Variants in ZFPM2 observed in about 807,000 individuals in gnomAD.
The protein encoded by ZFPM2 is zinc finger protein, FOG family member 2.
In ZFPM2, 20 loss-of-function variants were observed where a neutral mutation model predicts 98.6. The observed-to-expected ratio is 0.20, with a 90% CI of 0.14 to 0.29. The LOEUF (loss-of-function observed/expected upper bound fraction) is 0.29, where lower values mean the gene tolerates loss of function less well. ZFPM2 is among the 10% of genes least tolerant of loss of function. The pLI, the probability that ZFPM2 is intolerant of heterozygous loss-of-function variation, is 1.00. For missense variants in ZFPM2, 1,310 were observed against 1,388.6 expected, an observed-to-expected ratio of 0.94 and a Z score of 0.90; for synonymous variants, 518 against 502.7, an observed-to-expected ratio of 1.03 and a Z score of -0.41.
At chr8:105,413,484 A>ATATG (rs1554602639) in intron 1 of ZFPM2, among the ~76,000 whole-genome samples, 2 of 68,872 alleles carry the variant, frequency 2.9e-5, no homozygotes, top group South Asian at 8.2e-4. Context: ...TTCAAACATT[A>ATATG]TATATATATA....
rs560846525 is a variant in ZFPM2 at position 105,558,146 on chromosome 8, A to G, written c.302-3217A>G. Among the ~76,000 whole-genome samples the G allele has an allele frequency of 5.3e-5, 8 of 152,300 alleles. 1 individual carries two copies. In the South Asian group the frequency reaches 1.7e-3, roughly 32 times the overall value. Reference sequence around the variant, plus strand: ...ATTTTTGGAAAAAAAATAAAATATCATACTCTTAAGCAATATGTAAGTTAA... The same window carrying G: ...ATTTTTGGAAAAAAAATAAAATATCGTACTCTTAAGCAATATGTAAGTTAA... On this transcript the variant is annotated intron_variant, in intron 3 of 7. Coordinates refer to ENST00000407775, the MANE Select transcript of ZFPM2 (RefSeq NM_012082.4).
chr8:105,621,434 T>G (rs1364486525), intron 4 of ZFPM2, among the ~76,000 whole-genome samples: 2 of 152,090 alleles, frequency 1.3e-5, no homozygotes, highest in African/African-American at 2.4e-5. Context: ...GGGCTGAGAC[T>G]ATGGGGTTTT....
At chr8:105,785,781 G>A (rs1264236822) in intron 5 of ZFPM2, among the ~76,000 whole-genome samples, 3 of 152,068 alleles carry the variant, frequency 2.0e-5, no homozygotes, top group South Asian at 2.1e-4. Flanking sequence ...GGTGGCTCAC[G>A]CCTGCAATCC....
chr8:105,794,947 C>A (rs923043580), intron 6 of ZFPM2, among the ~76,000 whole-genome samples: 2 of 152,146 alleles, frequency 1.3e-5, no homozygotes, highest in Non-Finnish European at 1.5e-5. Context: ...TCGCAGTATT[C>A]GGGTGGGAGT....
At chr8:105,407,371 G>A (rs1479390609) in intron 1 of ZFPM2, among the ~76,000 whole-genome samples, 1 of 151,902 alleles carries the variant, frequency 6.6e-6, no homozygotes, top group African/African-American at 2.4e-5. Flanking sequence ...ACAAAGAACA[G>A]TAACAGAAAC....
intron 4 of ZFPM2, among the ~76,000 whole-genome samples, chr8:105,587,580 C>A (rs1815750649): frequency 6.6e-6 from 1 of 152,182 alleles, no homozygotes; most frequent in Non-Finnish European, 1.5e-5. Context: ...GCAGGCACAA[C>A]ATAATCCAAA....
chr8:105,645,359 T>C (rs1315206093), intron 5 of ZFPM2, among the ~76,000 whole-genome samples: 1 of 152,236 alleles, frequency 6.6e-6, no homozygotes, highest in Non-Finnish European at 1.5e-5. Flanking sequence ...ATCATCTTGC[T>C]CTTTTTATGC....
At position 105,462,383 on chromosome 8, in the gene ZFPM2, G is replaced by T. The variant is rs11779580; in HGVS notation, c.301+18002G>T. Among the ~76,000 whole-genome samples, 477 of 152,206 alleles carry T rather than the reference G, an allele frequency of 3.1e-3. 3 individuals carry two copies. Among genetic ancestry groups the T allele is most frequent in the Non-Finnish European group, 5.4e-3 (370 of 68,000 alleles). ...GCTAACAGAGGAAAAATTCAGGCCT[G>T]ACCTTACTGCTTCCCTCTGCAAAGC... On this transcript the variant is annotated intron_variant, in intron 3 of 7. Coordinates refer to ENST00000407775, the MANE Select transcript of ZFPM2 (RefSeq NM_012082.4).
chr8:105,620,052 T>C (rs892952414), intron 4 of ZFPM2, among the ~76,000 whole-genome samples: 1 of 152,206 alleles, frequency 6.6e-6, no homozygotes, highest in African/African-American at 2.4e-5. Context: ...TATCCAGTAA[T>C]GGGATGGCTG....
At chr8:105,522,524 C>T (rs1396937962) in intron 3 of ZFPM2, among the ~76,000 whole-genome samples, 1 of 152,114 alleles carries the variant, frequency 6.6e-6, no homozygotes, top group Non-Finnish European at 1.5e-5. Context: ...GTAATCCCAG[C>T]ACTTTGGGAG....
chr8:105,594,957 A>G (rs1815937223), intron 4 of ZFPM2, among the ~76,000 whole-genome samples: 1 of 152,120 alleles, frequency 6.6e-6, no homozygotes, highest in Admixed American at 6.6e-5. Context: ...TTTCTGATGG[A>G]GGATTCTATA....
At chr8:105,623,605 A>G (rs1816597377) in intron 4 of ZFPM2, among the ~76,000 whole-genome samples, 1 of 152,228 alleles carries the variant, frequency 6.6e-6, no homozygotes, top group Non-Finnish European at 1.5e-5. Context: ...GATTCATTAC[A>G]TATTTCAGTG....
intron 5 of ZFPM2, among the ~76,000 whole-genome samples, chr8:105,683,952 T>A (rs1810671287): frequency 6.6e-6 from 1 of 152,154 alleles, no homozygotes; most frequent in African/African-American, 2.4e-5. Flanking sequence ...TGTTGTTGAA[T>A]GAGTGAATGA....
intron 4 of ZFPM2, among the ~76,000 whole-genome samples, chr8:105,580,311 T>C (rs66489920): frequency 0.41 from 62,039 of 152,038 alleles, 14,663 homozygotes; most frequent in African/African-American, 0.66. Context: ...AAATAGTGAA[T>C]ATATACCTTG....
Position 105,801,105 on chromosome 8 carries a change from C to T in ZFPM2, c.1023C>T (p.Ser341=). Residue 341 remains serine, a synonymous_variant, in exon 8 of 8, where the codon AGC becomes AGT. Transcript: ENST00000407775. ...PGASLKCTVC[S]YTADSVINFH... ...CTAGTCTAAAATGCACCGTCTGTAG[C>T]TACACTGCTGATTCCGTGATCAACT... 6.2e-7 allele frequency: 1 copy of T among 1,613,962 alleles called. No individual in the cohort carries two copies. The highest frequency in any genetic ancestry group is 8.5e-7 in the Non-Finnish European group (1 of 1,179,876).
At chr8:105,501,911 C>T (rs1291061986) in intron 3 of ZFPM2, among the ~76,000 whole-genome samples, 1 of 147,120 alleles carries the variant, frequency 6.8e-6, no homozygotes, top group Non-Finnish European at 1.5e-5. Context: ...AAAATAAACA[C>T]AATGTTTTAA....
chr8:105,740,001 C>T (rs1812176121), intron 5 of ZFPM2, among the ~76,000 whole-genome samples: 1 of 151,962 alleles, frequency 6.6e-6, no homozygotes, highest in South Asian at 2.1e-4. Flanking sequence ...CTTAAAAATG[C>T]TCCTTAATAC....
At chr8:105,509,006 G>C (rs1813759796) in intron 3 of ZFPM2, among the ~76,000 whole-genome samples, 2 of 152,086 alleles carry the variant, frequency 1.3e-5, no homozygotes, top group African/African-American at 4.8e-5. Flanking sequence ...CACATTATGC[G>C]ATATATCAGG....
At chr8:105,589,249 C>T (rs1345540312) in intron 4 of ZFPM2, among the ~76,000 whole-genome samples, 1 of 152,176 alleles carries the variant, frequency 6.6e-6, no homozygotes, top group Non-Finnish European at 1.5e-5. Flanking sequence ...GTTTGGATGA[C>T]TGTCAGAAAT....
Sources: gnomAD v4.1 joint callset for allele counts (sites outside exome capture counted in the v4.1 genomes callset) on GRCh38, gnomAD v4.1.1 for gene constraint, MANE v1.5 for transcripts, NCBI Gene and HGNC (gene_info 2026-07-23, HGNC 2026-07-21) for gene names.